PRLR: variants seen among roughly 807,000 people sequenced by gnomAD.
The protein encoded by PRLR is hPRL receptor.
A neutral mutation model predicts 40.2 loss-of-function variants in PRLR; 13 were observed. The ratio of observed to expected loss-of-function variants is 0.32; its 90% CI spans 0.21 to 0.51. The LOEUF is 0.51. PRLR is among the 20% of genes least tolerant of loss of function. The probability of loss-of-function intolerance (pLI) is 0.97; values close to 1 mark genes in which losing one functional copy is unlikely to be tolerated. For missense variants in PRLR, 656 were observed against 747.3 expected, an observed-to-expected ratio of 0.88 and a Z score of 1.42; for synonymous variants, 269 against 278.7, an observed-to-expected ratio of 0.97 and a Z score of 0.35.
At chr5:35,104,593 G>T (rs1286811304) in intron 2 of PRLR, among the ~76,000 whole-genome samples, 1 of 152,104 alleles carries the variant, frequency 6.6e-6, no homozygotes, top group African/African-American at 2.4e-5. Flanking sequence ...TGACTCGGAG[G>T]GTCCTATGCC....
chr5:35,135,051 A>G (rs1044329805), intron 1 of PRLR, among the ~76,000 whole-genome samples: 1 of 151,946 alleles, frequency 6.6e-6, no homozygotes, highest in South Asian at 2.1e-4. Context: ...TCAAGGCTAC[A>G]TAAATAAAAA....
At position 35,059,246 on chromosome 5, in the gene PRLR, T is replaced by C. The variant is rs967691144; in HGVS notation, c.*5843A>G. The C allele has an allele frequency of 6.6e-6, 1 of 152,180 alleles. No homozygotes were observed. Among genetic ancestry groups the C allele is most frequent in the Non-Finnish European group, 1.5e-5 (1 of 68,018 alleles). 9.4% of individuals were successfully genotyped at this position (152,180 alleles called of 1,614,324 possible). On this transcript the variant is annotated 3_prime_UTR_variant, in exon 10 of 10. Coordinates refer to ENST00000618457, the MANE Select transcript of PRLR (RefSeq NM_000949.7). ...AATGTTAATTAATAGTCTAAGATGA[T>C]CTGAGAGTTAATTAATAGACTAAGA...
At chr5:35,207,406 A>G in intron 1 of PRLR, among the ~76,000 whole-genome samples, 1 of 152,144 alleles carries the variant, frequency 6.6e-6, no homozygotes, top group East Asian at 1.9e-4. Context: ...ATTCATAATT[A>G]AAAGCTAAAA....
chr5:35,116,981 G>T (rs935446085), intron 2 of PRLR, among the ~76,000 whole-genome samples: 3 of 152,140 alleles, frequency 2.0e-5, no homozygotes, highest in African/African-American at 7.2e-5. Flanking sequence ...TTCTGTTGGG[G>T]GGAGTTTTGT....
intron 2 of PRLR, among the ~76,000 whole-genome samples, chr5:35,093,631 T>G (rs1438265410): frequency 1.3e-5 from 2 of 152,210 alleles, no homozygotes; most frequent in Non-Finnish European, 2.9e-5. Flanking sequence ...TTTTAGCTCT[T>G]GCAAACTCAG....
At chr5:35,208,065 A>T (rs1211173570) in intron 1 of PRLR, among the ~76,000 whole-genome samples, 5 of 152,058 alleles carry the variant, frequency 3.3e-5, no homozygotes, top group East Asian at 3.9e-4. Context: ...TATTCAACAC[A>T]TCCTCTGCCC....
Position 35,175,739 on chromosome 5 carries a change from G to A in PRLR, c.-106+54529C>T, listed in dbSNP as rs143380685. Among the ~76,000 whole-genome samples, 469 of 152,208 alleles carry A rather than the reference G, an allele frequency of 3.1e-3. 3 individuals carry two copies. Among genetic ancestry groups the A allele is most frequent in the East Asian group, 0.029 (152 of 5,186 alleles). ...GGTCTTCTCAAATAGGATGCTATTC[G>A]TAAGGAAGACTTCACAAACTGCCCC... On this transcript the variant is annotated intron_variant, in intron 1 of 9. Coordinates refer to ENST00000618457, the MANE Select transcript of PRLR (RefSeq NM_000949.7).
At chr5:35,206,684 G>C (rs1776028976) in intron 1 of PRLR, among the ~76,000 whole-genome samples, 1 of 151,950 alleles carries the variant, frequency 6.6e-6, no homozygotes, top group Non-Finnish European at 1.5e-5. Context: ...AAATGTCTTG[G>C]AAACTTTAAG....
rs564959823 is a variant in PRLR, at chr5:35,221,583, T to C, written c.-106+8685A>G. Among the ~76,000 whole-genome samples, 233 of 152,340 alleles carry C rather than the reference T, an allele frequency of 1.5e-3. 1 individual carries two copies. Among genetic ancestry groups the C allele is most frequent in the African/African-American group, 5.1e-3 (214 of 41,580 alleles). On this transcript the variant is annotated intron_variant, in intron 1 of 9. Coordinates refer to ENST00000618457, the MANE Select transcript of PRLR (RefSeq NM_000949.7). ...AAATAAGTAATTAAGATTTGGATCA[T>C]AGCTGACCAGTAGTAGCTCTTAGCC...
chr5:35,191,956 T>C (rs1314865824), intron 1 of PRLR, among the ~76,000 whole-genome samples: 2 of 152,172 alleles, frequency 1.3e-5, no homozygotes, highest in African/African-American at 4.8e-5. Context: ...CTTCCATCTC[T>C]ACCTTCAAGT....
At chr5:35,114,965 C>A (rs1579683759) in intron 2 of PRLR, among the ~76,000 whole-genome samples, 1 of 152,198 alleles carries the variant, frequency 6.6e-6, no homozygotes, top group Non-Finnish European at 1.5e-5. Flanking sequence ...TGTTGGGCTG[C>A]ACCTCTTTTC....
chr5:35,138,416 G>A (rs1009561936), intron 1 of PRLR, among the ~76,000 whole-genome samples: 2 of 152,190 alleles, frequency 1.3e-5, no homozygotes, highest in Non-Finnish European at 2.9e-5. Flanking sequence ...TTTCATTGAG[G>A]AGATGGGCAG....
intron 1 of PRLR, among the ~76,000 whole-genome samples, chr5:35,155,359 GAAGTTAATTTGT>G (rs990648372): frequency 6.6e-6 from 1 of 151,960 alleles, no homozygotes; most frequent in African/African-American, 2.4e-5. Context: ...GAAACAGAGG[GAAGTTAATTTGT>G]ATACACATGC....
At chr5:35,055,288 G>C (rs1007371390), downstream of PRLR, among the ~76,000 whole-genome samples, 1 of 152,070 alleles carries the variant, frequency 6.6e-6, no homozygotes, top group African/African-American at 2.4e-5. Flanking sequence ...CTCAGGTTTG[G>C]AAACTCTCCT....
At chr5:35,104,507 G>A (rs180890850) in intron 2 of PRLR, among the ~76,000 whole-genome samples, 9 of 152,174 alleles carry the variant, frequency 5.9e-5, no homozygotes, top group Admixed American at 3.9e-4. Context: ...CTGGAAAATC[G>A]GGACACTCCA....
chr5:35,082,694 A>G (rs1038162150), intron 5 of PRLR, among the ~76,000 whole-genome samples: 4 of 152,182 alleles, frequency 2.6e-5, no homozygotes, highest in African/African-American at 9.7e-5. Flanking sequence ...TTATCTTTCA[A>G]TGTTGTCATT....
At position 35,230,006 on chromosome 5, in the gene PRLR, C is replaced by T. The variant is rs536625015; in HGVS notation, c.-106+262G>A. On this transcript the variant is annotated intron_variant, in intron 1 of 9. Coordinates refer to ENST00000618457, the MANE Select transcript of PRLR (RefSeq NM_000949.7). ...AGTTTGTAAAAGCTGGGGTTGGGGGCAGTGGTGGAGGCAAAGCACCTTAAG... is the reference window on the plus strand; with the variant it reads ...AGTTTGTAAAAGCTGGGGTTGGGGGTAGTGGTGGAGGCAAAGCACCTTAAG... 9.2e-5 allele frequency among the ~76,000 whole-genome samples: 14 copies of T among 152,262 alleles called. No homozygotes were observed. The South Asian group carries it at 2.9e-3, about 32-fold the overall frequency.
At chr5:35,179,262 G>A (rs1401220730) in intron 1 of PRLR, among the ~76,000 whole-genome samples, 1 of 152,170 alleles carries the variant, frequency 6.6e-6, no homozygotes, top group Non-Finnish European at 1.5e-5. Context: ...GCAAATAAAA[G>A]GATATATTTG....
chr5:35,084,696 T>G, intron 4 of PRLR, 57 bp from the exon 5 acceptor site: 1 of 1,531,146 alleles, frequency 6.5e-7, no homozygotes, highest in Middle Eastern at 1.8e-4. Flanking sequence ...AGTCTAGTTT[T>G]TTTCTTCATA....
Sources: gnomAD v4.1 joint callset for allele counts (sites outside exome capture counted in the v4.1 genomes callset) on GRCh38, gnomAD v4.1.1 for gene constraint, MANE v1.5 for transcripts, NCBI Gene and HGNC (gene_info 2026-07-23, HGNC 2026-07-21) for gene names.